Variants in DOCK3 observed in about 807,000 individuals in gnomAD.
DOCK3 encodes dedicator of cytokinesis protein 3.
DOCK3 carries 60 observed loss-of-function variants against 265.6 expected under a neutral mutation model. The ratio of observed to expected loss-of-function variants is 0.23; its 90% CI spans 0.18 to 0.28. The LOEUF is 0.28. Among genes scored for constraint, DOCK3 ranks in the 10% least tolerant of loss-of-function variants. DOCK3 has a pLI of 1.00. For missense variants in DOCK3, 1,981 were observed against 2,594.3 expected (o/e 0.76, Z 5.14); for synonymous variants, 881 against 938.0 (o/e 0.94, Z 1.11).
At chr3:50,738,735 A>G (rs1387890745) in intron 1 of DOCK3, among the ~76,000 whole-genome samples, 2 of 152,204 alleles carry the variant, frequency 1.3e-5, no homozygotes, top group Non-Finnish European at 1.5e-5. Flanking sequence ...CCAAATCACA[A>G]TAGAAAATTT....
chr3:50,825,354 T>C (rs2044697940), intron 2 of DOCK3, among the ~76,000 whole-genome samples: 1 of 152,200 alleles, frequency 6.6e-6, no homozygotes, highest in Admixed American at 6.5e-5. Flanking sequence ...GTAGCAGGAA[T>C]AGCTGAGAAC....
chr3:51,314,923 G>T, intron 31 of DOCK3, 57 bp from the exon 32 acceptor site: 1 of 1,517,378 alleles, frequency 6.6e-7, no homozygotes. Context: ...CCCCATTTGG[G>T]AATCTTCCAT....
intron 37 of DOCK3, 92 bp from the exon 38 acceptor site, chr3:51,341,145 C>T: frequency 7.0e-7 from 1 of 1,428,504 alleles, no homozygotes; most frequent in Non-Finnish European, 9.3e-7. Flanking sequence ...CTTGCGCTGG[C>T]ATTCTGCCCA....
chr3:50,885,961 C>T (rs1472010070), intron 3 of DOCK3, among the ~76,000 whole-genome samples: 1 of 151,894 alleles, frequency 6.6e-6, no homozygotes, highest in East Asian at 1.9e-4. Flanking sequence ...AATAGGATGA[C>T]CTTTTCCTGG....
intron 5 of DOCK3, among the ~76,000 whole-genome samples, chr3:50,935,409 G>A (rs2051303943): frequency 6.6e-6 from 1 of 152,184 alleles, no homozygotes; most frequent in African/African-American, 2.4e-5. Flanking sequence ...GGGGTGGGTG[G>A]CAGGGAGGAA....
intron 32 of DOCK3, among the ~76,000 whole-genome samples, chr3:51,322,448 C>G (rs1280627363): frequency 1.3e-5 from 2 of 152,106 alleles, no homozygotes; most frequent in African/African-American, 4.8e-5. Flanking sequence ...CATGATCTGC[C>G]CACCTCAGCC....
intron 22 of DOCK3, among the ~76,000 whole-genome samples, chr3:51,252,223 C>T (rs2079288201): frequency 6.6e-6 from 1 of 152,152 alleles, no homozygotes; most frequent in Non-Finnish European, 1.5e-5. Flanking sequence ...TGGTCTGTAT[C>T]TCTGTTTTGG....
At chr3:51,173,111 AG>A (rs2086769185) in intron 12 of DOCK3, among the ~76,000 whole-genome samples, 1 of 152,024 alleles carries the variant, frequency 6.6e-6, no homozygotes, top group Admixed American at 6.6e-5. Context: ...TTTACCAGTG[AG>A]TTTATACTTT....
chr3:50,758,034 C>T (rs555463854), intron 1 of DOCK3, among the ~76,000 whole-genome samples: 3 of 151,416 alleles, frequency 2.0e-5, no homozygotes, highest in Admixed American at 6.6e-5. Context: ...AAAAATTAGC[C>T]GGGAGTGGCA....
Position 51,151,686 on chromosome 3 carries a change from G to A in DOCK3, c.828+5056G>A, listed in dbSNP as rs570277829. ...TCCTTCAGGAGCTCTTGTAAGGCAG[G>A]CCTGGTGGTGACAAAGTCTCTCAGC... On this transcript the variant is annotated intron_variant, in intron 10 of 52. Transcript: ENST00000266037. Among the ~76,000 whole-genome samples, 6 of 152,300 alleles carry A rather than the reference G, an allele frequency of 3.9e-5. No homozygotes were observed. The South Asian group carries it at 1.2e-3, about 32-fold the overall frequency.
In DOCK3 at chr3:50,714,421, T is replaced by G. The variant is rs541447151; in HGVS notation, c.37+39121T>G. On this transcript the variant is annotated intron_variant, in intron 1 of 52. Transcript: ENST00000266037. Reference sequence around the variant, plus strand: ...TTTTTGAGTTTAAAATGTGGCATATTCTCTGTAACCTGCTGTTCTTGCAGA... The same window carrying G: ...TTTTTGAGTTTAAAATGTGGCATATGCTCTGTAACCTGCTGTTCTTGCAGA... 3.9e-5 allele frequency among the ~76,000 whole-genome samples: 6 copies of G among 152,302 alleles called. No individual in the cohort carries two copies. The South Asian group carries it at 1.0e-3, about 26-fold the overall frequency.
chr3:51,288,526 T>C (rs771435067), intron 27 of DOCK3, among the ~76,000 whole-genome samples: 3 of 152,082 alleles, frequency 2.0e-5, no homozygotes, highest in Non-Finnish European at 4.4e-5. Context: ...TATAATAATC[T>C]GGACACCAAA....
chr3:51,267,963 G>A (rs764390532), intron 23 of DOCK3, among the ~76,000 whole-genome samples: 1 of 152,098 alleles, frequency 6.6e-6, no homozygotes, highest in Non-Finnish European at 1.5e-5. Context: ...GACACAGGGA[G>A]GGGAACATTA....
chr3:51,338,256 A>G (rs2084994457), intron 35 of DOCK3, 103 bp from the exon 36 acceptor site: 1 of 1,309,636 alleles, frequency 7.6e-7, no homozygotes, highest in Admixed American at 2.0e-5. Context: ...GGCCATCTCA[A>G]TCTGGGATTT....
chr3:51,214,240 T>C lies in DOCK3; in HGVS notation c.1245T>C (p.Ile415=). The change falls in exon 14 of 53, where the codon ATT becomes ATC. Residue 415 remains isoleucine, a synonymous_variant. Transcript: ENST00000266037. ...ITRKLGFPDV[I]MPGDIRNDLY... is the part of the protein sequence containing the mutation. ...GAAAATTGGGATTTCCTGATGTCAT[T>C]ATGCCAGGTATGCAGAACTGCTTGG... The C allele has an allele frequency of 6.2e-7, 1 of 1,613,610 alleles. No homozygotes were observed. Among genetic ancestry groups the C allele is most frequent in the South Asian group, 1.1e-5 (1 of 91,018 alleles).
chr3:51,119,270 T>A (rs1171371111), intron 9 of DOCK3, among the ~76,000 whole-genome samples: 1 of 152,088 alleles, frequency 6.6e-6, no homozygotes, highest in Non-Finnish European at 1.5e-5. Flanking sequence ...AATTCTTCTC[T>A]TTAAGAATGT....
chr3:51,256,587 G>GTTTTTTTTTTTTTTTTTTTTTTTTT (rs369826497), intron 22 of DOCK3, among the ~76,000 whole-genome samples: 1 of 135,590 alleles, frequency 7.4e-6, no homozygotes, highest in African/African-American at 2.8e-5. Flanking sequence ...TTGAGTTTTC[G>GTTTTTTTTTTTTTTTTTTTTTTTTT]TTTTTGTTTT....
chr3:51,022,254 A>G (rs1215265600), intron 5 of DOCK3, among the ~76,000 whole-genome samples: 3 of 152,154 alleles, frequency 2.0e-5, no homozygotes, highest in Non-Finnish European at 4.4e-5. Context: ...TTATTTGTAG[A>G]TTCTTCTGGA....
chr3:51,046,777 T>C (rs1038941728), intron 5 of DOCK3, among the ~76,000 whole-genome samples: 2 of 152,066 alleles, frequency 1.3e-5, no homozygotes, highest in Middle Eastern at 3.2e-3. Context: ...GAATCAGTAT[T>C]TTTCCAAGTT....
Sources: gnomAD v4.1 joint callset for allele counts (sites outside exome capture counted in the v4.1 genomes callset) on GRCh38, gnomAD v4.1.1 for gene constraint, MANE v1.5 for transcripts, NCBI Gene and HGNC (gene_info 2026-07-23, HGNC 2026-07-21) for gene names.